The following EYA1 variants were observed in gnomAD, a reference collection of about 807,000 sequenced individuals.
EYA1 encodes the protein EYA transcriptional coactivator and phosphatase 1, also known as protein phosphatase EYA1.
Under a neutral mutation model 82.0 loss-of-function variants are expected in EYA1, and 16 were observed. The observed-to-expected ratio is 0.20, with a 90% CI of 0.13 to 0.30. The LOEUF (loss-of-function observed/expected upper bound fraction) is 0.30, where lower values mean the gene tolerates loss of function less well. EYA1 is among the 10% of genes least tolerant of loss of function. The pLI is 1.00. For synonymous variants in EYA1, 261 were observed against 264.4 expected, an observed-to-expected ratio of 0.99 and a Z score of 0.12; for missense variants, 633 against 730.7, an observed-to-expected ratio of 0.87 and a Z score of 1.54.
intron 2 of EYA1, among the ~76,000 whole-genome samples, chr8:71,379,605 C>G (rs1326108062): frequency 6.6e-6 from 1 of 152,122 alleles, no homozygotes; most frequent in Non-Finnish European, 1.5e-5. Flanking sequence ...CATTTCACAC[C>G]TGAATTGTAC....
At chr8:71,443,623 G>A (rs899229491) in intron 2 of EYA1, among the ~76,000 whole-genome samples, 2 of 152,114 alleles carry the variant, frequency 1.3e-5, no homozygotes, top group Non-Finnish European at 2.9e-5. Context: ...ACTATACACA[G>A]GCCTCTACAA....
At chr8:71,201,510 G>A (rs1179126593) in intron 17 of EYA1, among the ~76,000 whole-genome samples, 3 of 152,106 alleles carry the variant, frequency 2.0e-5, no homozygotes, top group African/African-American at 4.8e-5. Flanking sequence ...TTAGAAAAAC[G>A]TTTGATCCTA....
At chr8:71,501,917 T>C (rs948039537) in intron 2 of EYA1, among the ~76,000 whole-genome samples, 4 of 152,216 alleles carry the variant, frequency 2.6e-5, no homozygotes, top group Admixed American at 6.5e-5. Flanking sequence ...ACAGTAAACA[T>C]TGTATCTTGT....
chr8:71,355,500 A>G lies in EYA1; in HGVS notation c.-4-591T>C, dbSNP rs370369800. Among the ~76,000 whole-genome samples the G allele has an allele frequency of 6.6e-4, 101 of 152,296 alleles. 1 individual carries two copies. The South Asian group carries it at 0.02, about 31-fold the overall frequency. Reference sequence around the variant, plus strand: ...TGTGTTTACTCTGGCAAACTACTTAATTGTTCCTCTGTTTCCCTTGAAACA... The same window carrying G: ...TGTGTTTACTCTGGCAAACTACTTAGTTGTTCCTCTGTTTCCCTTGAAACA... On this transcript the variant is annotated intron_variant, in intron 2 of 17. Coordinates refer to ENST00000340726, the MANE Select transcript of EYA1 (RefSeq NM_000503.6).
At chr8:71,418,443 T>C (rs1830970120) in intron 2 of EYA1, among the ~76,000 whole-genome samples, 2 of 152,122 alleles carry the variant, frequency 1.3e-5, no homozygotes, top group African/African-American at 4.8e-5. Flanking sequence ...TTTTCTGACT[T>C]GAGCCCACAT....
chr8:71,423,014 T>G (rs888949979), intron 2 of EYA1, among the ~76,000 whole-genome samples: 1 of 152,168 alleles, frequency 6.6e-6, no homozygotes, highest in African/African-American at 2.4e-5. Context: ...CAGAAACTAA[T>G]CAATGATCAC....
chr8:71,233,301 A>G (rs753161855), intron 12 of EYA1, among the ~76,000 whole-genome samples: 13 of 152,236 alleles, frequency 8.5e-5, no homozygotes, highest in Non-Finnish European at 1.8e-4. Context: ...GCGGTGGCTC[A>G]TGCCTGTAAT....
At chr8:71,523,477 CAAA>C (rs1813596656) in intron 2 of EYA1, among the ~76,000 whole-genome samples, 1 of 152,080 alleles carries the variant, frequency 6.6e-6, no homozygotes. Context: ...CGCGCCCGGC[CAAA>C]AATCTATTCA....
intron 2 of EYA1, among the ~76,000 whole-genome samples, chr8:71,452,180 G>A (rs1405866795): frequency 1.3e-5 from 2 of 152,212 alleles, no homozygotes; most frequent in Non-Finnish European, 2.9e-5. Flanking sequence ...TGCTAGCACA[G>A]CAGTCTGAGA....
At chr8:71,467,126 T>C (rs1015598284) in intron 2 of EYA1, among the ~76,000 whole-genome samples, 1 of 152,106 alleles carries the variant, frequency 6.6e-6, no homozygotes, top group Non-Finnish European at 1.5e-5. Flanking sequence ...CTCCTGAATG[T>C]AATAGCTAAA....
chr8:71,286,961 C>G (rs1470513010), intron 9 of EYA1, among the ~76,000 whole-genome samples: 2 of 152,020 alleles, frequency 1.3e-5, no homozygotes, highest in Admixed American at 1.3e-4. Flanking sequence ...GCCACCACGC[C>G]TGGCTAATTT....
chr8:71,228,661 C>A (rs2128877227), intron 12 of EYA1, among the ~76,000 whole-genome samples: 1 of 152,194 alleles, frequency 6.6e-6, no homozygotes, highest in African/African-American at 2.4e-5. Context: ...AATACATAAC[C>A]ACATGTTCTC....
intron 2 of EYA1, among the ~76,000 whole-genome samples, chr8:71,446,532 C>A (rs993136619): frequency 6.6e-6 from 1 of 152,252 alleles, no homozygotes; most frequent in South Asian, 2.1e-4. Context: ...TGGACTATTA[C>A]AACCATAATA....
Position 71,199,402 on chromosome 8 carries a change from TC to T in EYA1, c.1716del (p.Trp572Ter). 1 of 1,612,912 alleles carries T rather than the reference TC, an allele frequency of 6.2e-7. No homozygotes were observed. On this transcript the variant is annotated frameshift_variant, in exon 18 of 18. Transcript: ENST00000340726. LOFTEE classifies it high-confidence loss of function. ...ATGAGGTCCGAGTGGCTGGAGATCC[TC>T]CAGAAGGGCATCGCGTGCTGCAGCA... ...QGAKKHAMPF[W>X]RISSHSDLMA...
At chr8:71,238,648 T>C (rs894414331) in intron 12 of EYA1, among the ~76,000 whole-genome samples, 3 of 152,112 alleles carry the variant, frequency 2.0e-5, no homozygotes, top group African/African-American at 7.2e-5. Flanking sequence ...TCAATTTGAT[T>C]TTTGAATTCT....
chr8:71,496,252 T>C (rs1430442791), intron 2 of EYA1, among the ~76,000 whole-genome samples: 1 of 152,232 alleles, frequency 6.6e-6, no homozygotes, highest in Non-Finnish European at 1.5e-5. Context: ...TAATTGCTCT[T>C]GTTTTGCATG....
chr8:71,492,947 T>C (rs1356423734), intron 2 of EYA1, among the ~76,000 whole-genome samples: 1 of 152,162 alleles, frequency 6.6e-6, no homozygotes, highest in Non-Finnish European at 1.5e-5. Flanking sequence ...CCAGTGTGTG[T>C]TGTTCCTCTT....
At chr8:71,265,066 T>C (rs1396410781) in intron 11 of EYA1, among the ~76,000 whole-genome samples, 1 of 152,200 alleles carries the variant, frequency 6.6e-6, no homozygotes, top group Non-Finnish European at 1.5e-5. Context: ...TCTATCACAC[T>C]CTAAGGCATA....
At chr8:71,452,538 C>T (rs543588290) in intron 2 of EYA1, among the ~76,000 whole-genome samples, 3 of 152,158 alleles carry the variant, frequency 2.0e-5, no homozygotes, top group Non-Finnish European at 4.4e-5. Context: ...CAGACTGACA[C>T]CTCACACGAC....
Sources: gnomAD v4.1 joint callset for allele counts (sites outside exome capture counted in the v4.1 genomes callset) on GRCh38, gnomAD v4.1.1 for gene constraint, MANE v1.5 for transcripts, NCBI Gene and HGNC (gene_info 2026-07-23, HGNC 2026-07-21) for gene names.